The following ZNF169 variants were observed in gnomAD, a reference collection of about 807,000 sequenced individuals.
ZNF169 encodes zinc finger protein 169.
ZNF169 carries 11 observed loss-of-function variants against 12.0 expected under a neutral mutation model. That is an observed-to-expected ratio of 0.92 (90% CI 0.58 to 1.52). The LOEUF (loss-of-function observed/expected upper bound fraction) is 1.52, where lower values mean the gene tolerates loss of function less well. ZNF169 is among the 40% of genes most tolerant of loss of function. The pLI is 0.00. For synonymous variants in ZNF169, 302 were observed against 286.5 expected, an observed-to-expected ratio of 1.05 and a Z score of -0.55; for missense variants, 722 against 744.0, an observed-to-expected ratio of 0.97 and a Z score of 0.34.
At chr9:94,273,575 C>CTTT (rs768421966) in intron 1 of ZNF169, among the ~76,000 whole-genome samples, 101 of 109,944 alleles carry the variant, frequency 9.2e-4, no homozygotes, top group Non-Finnish European at 1.3e-3. Context: ...AACTTTCTTT[C>CTTT]TTTCTTTTTT....
rs139722048 is a variant in ZNF169 at position 94,291,964 on chromosome 9, A to G, written c.34-377A>G. 3.9e-3 allele frequency among the ~76,000 whole-genome samples: 594 copies of G among 152,372 alleles called. 1 individual carries two copies. The highest frequency in any genetic ancestry group is 6.1e-3 in the Non-Finnish European group (418 of 68,034). On this transcript the variant is annotated intron_variant, in intron 2 of 4. Transcript: ENST00000395395. ...TCAGCAAAGGCTTTTAGAGATATAG[A>G]CAAGATTATTCTAAAATTTGCATAG...
chr9:94,260,534 CT>C lies in ZNF169; in HGVS notation c.-56+1190del, dbSNP rs368078545. ...CGACTCGGGTCAGTAGCCTTGGGGC[CT>C]GGGGACCCAAGTTGGTGAGTTGAGA... On this transcript the variant is annotated intron_variant, in intron 1 of 4. Transcript: ENST00000395395. 1.8e-3 allele frequency among the ~76,000 whole-genome samples: 268 copies of C among 152,156 alleles called. 2 individuals are homozygous for C. The highest frequency in any genetic ancestry group is 6.3e-3 in the African/African-American group (260 of 41,484).
intron 4 of ZNF169, among the ~76,000 whole-genome samples, chr9:94,298,787 C>T (rs1297687065): frequency 6.7e-6 from 1 of 150,148 alleles, no homozygotes; most frequent in Non-Finnish European, 1.5e-5. Flanking sequence ...ACGGTATCAA[C>T]TTACGGAAGC....
At chr9:94,299,302 T>C (rs1831008932) in intron 4 of ZNF169, 1 of 398,862 alleles carries the variant, frequency 2.5e-6, no homozygotes, top group South Asian at 1.4e-4. Flanking sequence ...GGAGCCAGTA[T>C]CTCTTGCTAC....
intron 1 of ZNF169, among the ~76,000 whole-genome samples, chr9:94,275,638 C>T (rs1411910523): frequency 6.6e-6 from 1 of 152,144 alleles, no homozygotes; most frequent in Non-Finnish European, 1.5e-5. Flanking sequence ...TGTATTTTCT[C>T]TCAGTCCGTG....
At chr9:94,269,045 G>A (rs934804063) in intron 1 of ZNF169, among the ~76,000 whole-genome samples, 1 of 151,574 alleles carries the variant, frequency 6.6e-6, no homozygotes, top group African/African-American at 2.4e-5. Context: ...TATTTAGGCC[G>A]ACTGTCAACC....
At chr9:94,284,412 G>A (rs1242474582) in intron 2 of ZNF169, among the ~76,000 whole-genome samples, 3 of 152,156 alleles carry the variant, frequency 2.0e-5, no homozygotes, top group African/African-American at 7.2e-5. Flanking sequence ...GCAACAGAGT[G>A]AGACTCCATC....
chr9:94,276,346 A>G (rs1587675638), intron 1 of ZNF169, among the ~76,000 whole-genome samples: 1 of 151,114 alleles, frequency 6.6e-6, no homozygotes, highest in South Asian at 2.1e-4. Context: ...GCTTACTGCA[A>G]CCTCCACCTC....
chr9:94,288,110 C>T (rs1380013840), intron 2 of ZNF169: 7 of 820,092 alleles, frequency 8.5e-6, no homozygotes, highest in Non-Finnish European at 1.3e-5. Flanking sequence ...CCAGCCAGCC[C>T]TCATAACCCA....
At chr9:94,277,788 C>T (rs1336052735) in intron 1 of ZNF169, among the ~76,000 whole-genome samples, 13 of 151,742 alleles carry the variant, frequency 8.6e-5, no homozygotes, top group East Asian at 1.9e-4. Flanking sequence ...AAAAATTAGC[C>T]GGGCGTGATG....
rs575605835 is a variant in ZNF169, at chr9:94,268,728, A to G, written c.-56+9383A>G. Among the ~76,000 whole-genome samples the G allele has an allele frequency of 1.4e-4, 21 of 150,290 alleles. 1 individual carries two copies. Among genetic ancestry groups the G allele is most frequent in the Non-Finnish European group, 2.5e-4 (17 of 67,748 alleles). On this transcript the variant is annotated intron_variant, in intron 1 of 4. Transcript: ENST00000395395. ...CTTGAACCGGGAGGCAGGGGTTACA[A>G]TGAGCCGAGATCACACCACCGCACT...
chr9:94,273,591 T>C (rs896635929), intron 1 of ZNF169, among the ~76,000 whole-genome samples: 10 of 147,814 alleles, frequency 6.8e-5, no homozygotes, highest in African/African-American at 2.5e-4. Context: ...TTTTTTTTTT[T>C]TTTTTGAGAC....
intron 4 of ZNF169, among the ~76,000 whole-genome samples, chr9:94,296,601 C>T (rs1438539495): frequency 1.3e-5 from 2 of 152,132 alleles, no homozygotes; most frequent in African/African-American, 4.8e-5. Flanking sequence ...ATTTTTCCAG[C>T]ACCATTTATT....
intron 1 of ZNF169, among the ~76,000 whole-genome samples, chr9:94,270,679 T>A (rs1830374250): frequency 1.8e-5 from 1 of 55,122 alleles, no homozygotes; most frequent in Non-Finnish European, 4.3e-5. Flanking sequence ...ACTATATAAA[T>A]ATATATAAAT....
Position 94,292,453 on chromosome 9 carries a change from A to G in ZNF169, c.146A>G (p.His49Arg), listed in dbSNP as rs532148993. ...YREVMLENYS[H>R]LVSLGIAFSK... ...GAGGTGATGCTGGAGAACTACAGCC[A>G]TCTGGTCTCCCTGGGTAAGGCTGGC... Residue 49 changes from histidine (H) to arginine (R), a missense_variant, in exon 3 of 5, where the codon CAT (histidine) becomes CGT (arginine). Transcript: ENST00000395395. 4 of 1,613,998 alleles carry G rather than the reference A, an allele frequency of 2.5e-6. No homozygotes were observed. In the South Asian group the frequency reaches 3.3e-5, roughly 13 times the overall value.
Position 94,301,245 on chromosome 9 carries a change from A to T in ZNF169, c.1687A>T (p.Thr563Ser), listed in dbSNP as rs376384147. The T allele has an allele frequency of 6.2e-7, 1 of 1,613,932 alleles. No homozygotes were observed. The highest frequency in any genetic ancestry group is 1.1e-5 in the South Asian group (1 of 91,074). Residue 563 changes from threonine (T) to serine (S), a missense_variant, in exon 5 of 5, where the codon ACC becomes TCC. Thr to Ser is a moderately conservative substitution (Grantham distance 58). Coordinates refer to ENST00000395395, the MANE Select transcript of ZNF169 (RefSeq NM_194320.4). ...FKSALIRHQR[T>S]HSGEKPYVCR... is the part of the protein sequence containing the mutation. ...GTCTGCCCTCATCCGACATCAGCGGACCCATTCTGGGGAGAAGCCGTATGT... is the reference window on the plus strand; with the variant it reads ...GTCTGCCCTCATCCGACATCAGCGGTCCCATTCTGGGGAGAAGCCGTATGT...
chr9:94,300,333 G>T lies in ZNF169; in HGVS notation c.775G>T (p.Glu259Ter). The change falls in exon 5 of 5, where the codon GAG (glutamate) becomes TAG (stop). Residue 259 changes from glutamate (E) to a stop codon, truncating the protein, a stop_gained. Transcript: ENST00000395395. LOFTEE classifies it low-confidence loss of function (END_TRUNC). ...CAAGCACCAGAGGACACACACCGGG[G>T]AGAAGCCATACCTGTGTCCTGAGTG... is the stretch of plus-strand genomic sequence containing the variant. ...LIKHQRTHTG[E>*]KPYLCPECGR... The T allele has an allele frequency of 6.2e-7, 1 of 1,614,162 alleles. No individual in the cohort carries two copies. Among genetic ancestry groups the T allele is most frequent in the East Asian group, 2.2e-5 (1 of 44,882 alleles).
intron 4 of ZNF169, 141 bp downstream of exon 4, chr9:94,293,210 G>C (rs889489797): frequency 1.3e-6 from 1 of 753,802 alleles, no homozygotes; most frequent in Non-Finnish European, 2.3e-6. Context: ...GCATGGCACT[G>C]CCTGCCTTCC....
At chr9:94,299,359 A>G in intron 4 of ZNF169, 1 of 439,980 alleles carries the variant, frequency 2.3e-6, no homozygotes, top group Non-Finnish European at 3.8e-6. Context: ...ACCACAGTCA[A>G]GGAAGCCCAA....
Sources: allele counts gnomAD v4.1 joint callset (sites outside exome capture counted in the v4.1 genomes callset), GRCh38; gene constraint gnomAD v4.1.1; transcripts MANE v1.5; gene names NCBI Gene and HGNC (gene_info 2026-07-23, HGNC 2026-07-21).